The following FAM24B variants were observed in gnomAD, a reference collection of about 807,000 sequenced individuals.
FAM24B encodes the protein family with sequence similarity 24 member B.
Under a neutral mutation model 2.3 loss-of-function variants are expected in FAM24B, and 3 were observed. That is an observed-to-expected ratio of 1.29 (90% CI 0.59 to 3.32). The LOEUF (loss-of-function observed/expected upper bound fraction) is 3.32. Among genes scored for constraint, FAM24B ranks in the 30% most tolerant of loss-of-function variants. FAM24B has a pLI of 0.03. For missense variants in FAM24B, 98 were observed against 117.2 expected (o/e 0.84, Z 0.76); for synonymous variants, 36 against 46.3 (o/e 0.78, Z 0.90).
intron 1 of FAM24B, among the ~76,000 whole-genome samples, chr10:122,858,787 G>A (rs1040959716): frequency 1.3e-5 from 2 of 152,144 alleles, no homozygotes; most frequent in Admixed American, 1.3e-4. Context: ...CAGTACCAGC[G>A]AGAAGTACCC....
intron 1 of FAM24B, among the ~76,000 whole-genome samples, chr10:122,878,578 T>G (rs1170314064): frequency 6.6e-6 from 1 of 151,590 alleles, no homozygotes; most frequent in Non-Finnish European, 1.5e-5. Context: ...TCAGAAAGCA[T>G]CAAGCATCAG....
chr10:122,868,136 G>A (rs184425764), intron 1 of FAM24B, among the ~76,000 whole-genome samples: 3 of 152,260 alleles, frequency 2.0e-5, no homozygotes, highest in East Asian at 1.9e-4. Flanking sequence ...CGAGAACTAC[G>A]TGATAAATGC....
At chr10:122,869,917 C>T (rs956134613) in intron 1 of FAM24B, among the ~76,000 whole-genome samples, 1 of 151,956 alleles carries the variant, frequency 6.6e-6, no homozygotes, top group Non-Finnish European at 1.5e-5. Flanking sequence ...TAGCAGAAGG[C>T]AAGAAACAAC....
At chr10:122,872,541 G>A (rs1847913929) in intron 1 of FAM24B, among the ~76,000 whole-genome samples, 2 of 152,278 alleles carry the variant, frequency 1.3e-5, no homozygotes, top group South Asian at 4.1e-4. Context: ...CAACCCAAAT[G>A]TCCAACAATG....
In FAM24B at chr10:122,849,517, C is replaced by G. The variant is rs979562007; in HGVS notation, c.93-78G>C. 12 of 1,369,110 alleles carry G rather than the reference C, an allele frequency of 8.8e-6. No individual in the cohort carries two copies. The African/African-American group carries it at 1.5e-4, about 17-fold the overall frequency. The allele number at this position is 1,369,110 out of a possible 1,614,324, so 84.8% of individuals were successfully genotyped here. A position where few individuals can be genotyped will look rare whatever the true frequency, so the allele number is the denominator to read the frequency against. ...TTTTGTTAGAACTGTTGGGGGGTAT[C>G]TGGGGAGTTTAGTGCTGAAGCCAGT... On this transcript the variant is annotated intron_variant, in intron 3 of 3. Coordinates refer to ENST00000368898, the MANE Select transcript of FAM24B (RefSeq NM_152644.3).
At chr10:122,875,749 T>TAA (rs77605078) in intron 1 of FAM24B, among the ~76,000 whole-genome samples, 1 of 149,584 alleles carries the variant, frequency 6.7e-6, no homozygotes, top group African/African-American at 2.5e-5. Context: ...GTCTCCTAAT[T>TAA]AAAAAAAAAA....
At chr10:122,875,066 G>A (rs1847956766) in intron 1 of FAM24B, among the ~76,000 whole-genome samples, 1 of 151,924 alleles carries the variant, frequency 6.6e-6, no homozygotes, top group African/African-American at 2.4e-5. Context: ...TCTACTTCTG[G>A]TATTACCATT....
At chr10:122,856,042 T>G (rs538335739) in intron 1 of FAM24B, among the ~76,000 whole-genome samples, 1 of 152,136 alleles carries the variant, frequency 6.6e-6, no homozygotes, top group Admixed American at 6.5e-5. Context: ...AAGCCAAGAG[T>G]GTACATAAAC....
intron 1 of FAM24B, among the ~76,000 whole-genome samples, chr10:122,870,710 G>C (rs199520595): frequency 1.3e-5 from 2 of 152,292 alleles, no homozygotes; most frequent in Admixed American, 1.3e-4. Context: ...AATAGATGCA[G>C]AAAAGGCCTT....
intron 1 of FAM24B, among the ~76,000 whole-genome samples, chr10:122,857,303 T>C (rs1047728362): frequency 1.3e-5 from 2 of 152,186 alleles, no homozygotes; most frequent in South Asian, 2.1e-4. Context: ...GATAAGAATA[T>C]ACAGGATATC....
intron 1 of FAM24B, among the ~76,000 whole-genome samples, chr10:122,864,352 T>C (rs1326138352): frequency 1.3e-5 from 2 of 152,192 alleles, no homozygotes; most frequent in Admixed American, 1.3e-4. Flanking sequence ...CCTAAAAAGC[T>C]GTGAGAATTC....
intron 1 of FAM24B, among the ~76,000 whole-genome samples, chr10:122,867,672 G>A (rs1270098341): frequency 1.3e-5 from 2 of 152,208 alleles, no homozygotes; most frequent in African/African-American, 4.8e-5. Flanking sequence ...CTGATACCCA[G>A]GCAAACAGGG....
chr10:122,857,818 T>C (rs565828381), intron 1 of FAM24B, among the ~76,000 whole-genome samples: 1 of 152,290 alleles, frequency 6.6e-6, no homozygotes, highest in South Asian at 2.1e-4. Flanking sequence ...CCTTAAACTG[T>C]CAAACTGAAG....
Position 122,849,127 on chromosome 10 carries a change from T to C in FAM24B, c.*120A>G. On this transcript the variant is annotated 3_prime_UTR_variant, in exon 4 of 4. Coordinates refer to ENST00000368898, the MANE Select transcript of FAM24B (RefSeq NM_152644.3). ...AATAGTGTACATTTATTCAAAAGTA[T>C]ATAAAACAACACTGTAAATTATATA... is the stretch of plus-strand genomic sequence containing the variant. 1.4e-6 allele frequency: 1 copy of C among 696,466 alleles called. No homozygotes were observed. Among genetic ancestry groups the C allele is most frequent in the Non-Finnish European group, 2.2e-6 (1 of 460,848 alleles). The allele number at this position is 696,466 out of a possible 1,614,324, so 43.1% of individuals were successfully genotyped here. A position where few individuals can be genotyped will look rare whatever the true frequency, so the allele number is the denominator to read the frequency against.
chr10:122,860,353 G>A (rs779408926), intron 1 of FAM24B, among the ~76,000 whole-genome samples: 32 of 152,132 alleles, frequency 2.1e-4, no homozygotes, highest in Non-Finnish European at 4.0e-4. Flanking sequence ...TTTGTATATC[G>A]ATAGTTTTTT....
intron 1 of FAM24B, among the ~76,000 whole-genome samples, chr10:122,857,654 T>A (rs569819529): frequency 2.0e-5 from 3 of 152,328 alleles, no homozygotes; most frequent in Admixed American, 6.5e-5. Context: ...ATGGTACTTA[T>A]GTATCTGTTT....
At chr10:122,850,854 G>A (rs1847522438) in intron 2 of FAM24B, 1 of 253,096 alleles carries the variant, frequency 4.0e-6, no homozygotes, top group Non-Finnish European at 7.8e-6. Flanking sequence ...TATGCGGCTG[G>A]AAATAACAAG....
chr10:122,853,080 G>T (rs1847569838), intron 2 of FAM24B, among the ~76,000 whole-genome samples: 1 of 152,058 alleles, frequency 6.6e-6, no homozygotes. Flanking sequence ...AAGGTCCCTA[G>T]CTAGCCTTCC....
chr10:122,854,624 A>G (rs1047139287), intron 2 of FAM24B, among the ~76,000 whole-genome samples: 5 of 152,330 alleles, frequency 3.3e-5, no homozygotes, highest in East Asian at 3.9e-4. Context: ...ATTCGAAGCA[A>G]TATCTCACTG....
Sources: gnomAD v4.1 joint callset for allele counts (sites outside exome capture counted in the v4.1 genomes callset) on GRCh38, gnomAD v4.1.1 for gene constraint, MANE v1.5 for transcripts, NCBI Gene and HGNC (gene_info 2026-07-23, HGNC 2026-07-21) for gene names.